Variants in SETBP1 observed in about 807,000 individuals in gnomAD.
SETBP1 encodes the protein SET-binding protein.
Under a neutral mutation model 101.0 loss-of-function variants are expected in SETBP1, and 9 were observed. The ratio of observed to expected loss-of-function variants is 0.09; its 90% confidence interval spans 0.05 to 0.16. SETBP1 has a LOEUF of 0.16. SETBP1 is among the 10% of genes least tolerant of loss of function. The probability of loss-of-function intolerance (pLI) is 1.00; values close to 1 mark genes in which losing one functional copy is unlikely to be tolerated. For missense variants in SETBP1, 1,858 were observed against 2,033.8 expected (o/e 0.91, Z 1.66); for synonymous variants, 818 against 788.5 (o/e 1.04, Z -0.63).
chr18:44,748,149 G>A (rs2070301031), intron 2 of SETBP1, among the ~76,000 whole-genome samples: 1 of 151,942 alleles, frequency 6.6e-6, no homozygotes, highest in Admixed American at 6.6e-5. Context: ...AAGAAATGGA[G>A]GGAAAGATAG....
intron 1 of SETBP1, among the ~76,000 whole-genome samples, chr18:44,694,571 C>G (rs1379203601): frequency 6.6e-6 from 1 of 152,224 alleles, no homozygotes; most frequent in Non-Finnish European, 1.5e-5. Flanking sequence ...GAGATACACA[C>G]AGTGGGCTCT....
intron 2 of SETBP1, among the ~76,000 whole-genome samples, chr18:44,770,109 T>C (rs1599101655): frequency 6.6e-6 from 1 of 152,212 alleles, no homozygotes; most frequent in East Asian, 1.9e-4. Context: ...AAACACAGAA[T>C]GCAAATTCTA....
chr18:45,056,828 C>T (rs2145572714), intron 5 of SETBP1, among the ~76,000 whole-genome samples: 1 of 152,332 alleles, frequency 6.6e-6, no homozygotes, highest in Non-Finnish European at 1.5e-5. Flanking sequence ...GTCTGCCCAC[C>T]TCTCCTACCT....
chr18:44,910,706 T>TA (rs2070287176), intron 3 of SETBP1, among the ~76,000 whole-genome samples: 1 of 152,204 alleles, frequency 6.6e-6, no homozygotes, highest in South Asian at 2.1e-4. Flanking sequence ...GAGGGGGTTT[T>TA]ATCTATTTTA....
intron 3 of SETBP1, among the ~76,000 whole-genome samples, chr18:44,900,557 A>T (rs144034233): frequency 1.4e-4 from 21 of 152,342 alleles, no homozygotes; most frequent in African/African-American, 4.8e-4. Context: ...AGGATGATAC[A>T]TAGCTAGTAC....
At chr18:44,779,589 A>G (rs1455585091) in intron 2 of SETBP1, among the ~76,000 whole-genome samples, 1 of 152,110 alleles carries the variant, frequency 6.6e-6, no homozygotes, top group African/African-American at 2.4e-5. Flanking sequence ...GGAAGAGAGA[A>G]AGGGAGAGCG....
intron 2 of SETBP1, among the ~76,000 whole-genome samples, chr18:44,828,452 A>C (rs550099180): frequency 6.6e-6 from 1 of 152,360 alleles, no homozygotes; most frequent in South Asian, 2.1e-4. Context: ...CTCTTTGAAT[A>C]TGGTGATTTC....
At chr18:45,014,643 G>A (rs1471936104) in intron 4 of SETBP1, among the ~76,000 whole-genome samples, 1 of 152,098 alleles carries the variant, frequency 6.6e-6, no homozygotes, top group African/African-American at 2.4e-5. Context: ...AAGAAACAAG[G>A]ACCGTATGGC....
intron 5 of SETBP1, among the ~76,000 whole-genome samples, chr18:45,041,415 T>C (rs1363272364): frequency 6.6e-6 from 1 of 152,230 alleles, no homozygotes; most frequent in Non-Finnish European, 1.5e-5. Context: ...TGATTTTTGT[T>C]TTCTTTAGAG....
At chr18:44,971,593 C>T (rs369767050) in intron 4 of SETBP1, among the ~76,000 whole-genome samples, 10 of 152,172 alleles carry the variant, frequency 6.6e-5, no homozygotes, top group Non-Finnish European at 7.4e-5. Flanking sequence ...TGGTATCTCA[C>T]TGTGGTTTTG....
chr18:44,710,048 A>G (rs1018301486), intron 2 of SETBP1, among the ~76,000 whole-genome samples: 1 of 151,910 alleles, frequency 6.6e-6, no homozygotes, highest in East Asian at 1.9e-4. Context: ...CCTCTTCCTC[A>G]TCGTTGCAAT....
intron 4 of SETBP1, 44 bp from the exon 5 acceptor site, chr18:45,038,441 G>T (rs1348833190): frequency 6.3e-6 from 10 of 1,587,102 alleles, no homozygotes; most frequent in Non-Finnish European, 8.6e-6. Context: ...CTATCTTCCT[G>T]TTCCCTTAAA....
At chr18:44,995,352 A>G (rs186520160) in intron 4 of SETBP1, among the ~76,000 whole-genome samples, 2,362 of 152,130 alleles carry the variant, frequency 0.016, 52 homozygotes, top group African/African-American at 0.053. Flanking sequence ...AGTGTTAGCC[A>G]GGACGGTCTT....
At chr18:44,863,010 C>T (rs535901813) in intron 2 of SETBP1, among the ~76,000 whole-genome samples, 49 of 152,194 alleles carry the variant, frequency 3.2e-4, no homozygotes, top group Non-Finnish European at 5.7e-4. Flanking sequence ...GTTTGTTTCC[C>T]TCCAAGTCCA....
chr18:44,937,434 G>A (rs1195044430), intron 3 of SETBP1, among the ~76,000 whole-genome samples: 2 of 129,850 alleles, frequency 1.5e-5, no homozygotes, highest in African/African-American at 5.9e-5. Flanking sequence ...CAGCCTGGGC[G>A]ACAGAGCGAG....
chr18:44,694,072 G>A (rs184046402), intron 1 of SETBP1, among the ~76,000 whole-genome samples: 1 of 152,284 alleles, frequency 6.6e-6, no homozygotes, highest in East Asian at 1.9e-4. Context: ...AGCTGTTTTT[G>A]TGAATCCAAC....
intron 2 of SETBP1, among the ~76,000 whole-genome samples, chr18:44,707,643 T>C (rs2069250692): frequency 6.6e-6 from 1 of 152,230 alleles, no homozygotes; most frequent in Non-Finnish European, 1.5e-5. Context: ...AAATAAATCA[T>C]GCACTTATTT....
At chr18:44,879,432 A>G (rs973244156) in intron 3 of SETBP1, among the ~76,000 whole-genome samples, 2 of 152,144 alleles carry the variant, frequency 1.3e-5, no homozygotes, top group African/African-American at 4.8e-5. Context: ...CCCATAGAAA[A>G]GTGTCTGGCA....
chr18:44,815,807 A>G (rs2071963030), intron 2 of SETBP1, among the ~76,000 whole-genome samples: 1 of 152,200 alleles, frequency 6.6e-6, no homozygotes, highest in South Asian at 2.1e-4. Context: ...GCAAAACAAC[A>G]GCCTGAGGAC....
Sources: gnomAD v4.1 joint callset for allele counts (sites outside exome capture counted in the v4.1 genomes callset) on GRCh38, gnomAD v4.1.1 for gene constraint, MANE v1.5 for transcripts, NCBI Gene and HGNC (gene_info 2026-07-23, HGNC 2026-07-21) for gene names.